Variants in FIG4 observed in about 807,000 individuals in gnomAD.
FIG4 encodes the protein FIG4 phosphoinositide 5-phosphatase, also known as polyphosphoinositide phosphatase.
Under a neutral mutation model 118.6 loss-of-function variants are expected in FIG4, and 112 were observed. The ratio of observed to expected loss-of-function variants is 0.94; its 90% CI spans 0.81 to 1.11. FIG4 has a LOEUF of 1.11. Ranked by LOEUF, FIG4 falls within the 50% of genes least tolerant of loss-of-function variation. FIG4 has a pLI of 0.00. For missense variants in FIG4, 969 were observed against 1,111.7 expected (o/e 0.87, Z 1.83); for synonymous variants, 369 against 381.2 (o/e 0.97, Z 0.37).
chr6:109,707,106 TCATTATAACTC>T (rs1427213859), intron 1 of FIG4, among the ~76,000 whole-genome samples: 1 of 152,078 alleles, frequency 6.6e-6, no homozygotes, highest in East Asian at 1.9e-4. Context: ...TATTTCTACC[TCATTATAACTC>T]ATAGTGTCAT....
intron 15 of FIG4, among the ~76,000 whole-genome samples, chr6:109,771,621 A>AC (rs1405677747): frequency 6.6e-6 from 1 of 151,818 alleles, no homozygotes; most frequent in African/African-American, 2.4e-5. Context: ...GGTGCCTGCC[A>AC]CCGCGCCCGG....
At chr6:109,790,848 G>C (rs575260504) in intron 19 of FIG4, among the ~76,000 whole-genome samples, 5 of 152,104 alleles carry the variant, frequency 3.3e-5, no homozygotes, top group Non-Finnish European at 7.4e-5. Flanking sequence ...GGAATGTTCA[G>C]CAAATACACT....
At chr6:109,802,974 C>T (rs1250079371) in intron 22 of FIG4, among the ~76,000 whole-genome samples, 4 of 152,086 alleles carry the variant, frequency 2.6e-5, no homozygotes, top group East Asian at 1.9e-4. Flanking sequence ...ATATCACGAA[C>T]GAGAGCTTTC....
chr6:109,762,507 AACAG>A (rs1777142847), intron 12 of FIG4, among the ~76,000 whole-genome samples: 2 of 151,580 alleles, frequency 1.3e-5, no homozygotes, highest in African/African-American at 2.4e-5. Flanking sequence ...ATTGAATAGA[AACAG>A]ACATTTTTTT....
intron 1 of FIG4, among the ~76,000 whole-genome samples, chr6:109,699,637 G>T (rs1051508338): frequency 2.6e-5 from 4 of 151,642 alleles, no homozygotes; most frequent in Non-Finnish European, 5.9e-5. Context: ...CAAGTAACTG[G>T]GACTACAGGC....
intron 10 of FIG4, among the ~76,000 whole-genome samples, chr6:109,753,054 T>C (rs1776760622): frequency 6.6e-6 from 1 of 152,218 alleles, no homozygotes; most frequent in African/African-American, 2.4e-5. Flanking sequence ...GCTTTCTACA[T>C]ATGGCTAGCC....
Position 109,791,574 on chromosome 6 carries a change from G to A in FIG4, c.2376+3G>A. ...GAGACAGTGCCAAAGTGACCGAGGT[G>A]CGGGGGAGGGAAGCCTGTGGCATCC... On this transcript the variant is annotated splice_donor_region_variant and intron_variant, in intron 20 of 22. Transcript: ENST00000230124. 6.2e-7 allele frequency: 1 copy of A among 1,613,576 alleles called. No homozygotes were observed. The highest frequency in any genetic ancestry group is 8.5e-7 in the Non-Finnish European group (1 of 1,179,812).
At chr6:109,739,451 C>T (rs566704067) in intron 7 of FIG4, among the ~76,000 whole-genome samples, 3 of 152,114 alleles carry the variant, frequency 2.0e-5, no homozygotes, top group African/African-American at 4.8e-5. Flanking sequence ...AAGAAAAAGG[C>T]GTTTGTACAT....
intron 1 of FIG4, among the ~76,000 whole-genome samples, chr6:109,705,330 C>T (rs754517088): frequency 1.3e-5 from 2 of 152,214 alleles, no homozygotes; most frequent in Non-Finnish European, 2.9e-5. Flanking sequence ...GGATGGTCAG[C>T]TGCCCACCAG....
chr6:109,730,566 G>A (rs192179808), intron 4 of FIG4, among the ~76,000 whole-genome samples: 5 of 152,176 alleles, frequency 3.3e-5, no homozygotes, highest in Non-Finnish European at 1.5e-5. Flanking sequence ...AGACTGCTAA[G>A]TATTGGTGGA....
chr6:109,786,015 G>T, intron 17 of FIG4: 1 of 409,196 alleles, frequency 2.4e-6, no homozygotes, highest in Non-Finnish European at 4.5e-6. Flanking sequence ...AGAGCAAAAA[G>T]GAATTTAAAG....
Position 109,791,462 on chromosome 6 carries a change from G to T in FIG4, c.2267G>T (p.Ser756Ile). 6.2e-7 allele frequency: 1 copy of T among 1,613,964 alleles called. No individual in the cohort carries two copies. The highest frequency in any genetic ancestry group is 8.5e-7 in the Non-Finnish European group (1 of 1,180,038). The change falls in exon 20 of 23, where the codon AGC (serine) becomes ATC (isoleucine). Residue 756 changes from serine (S) to isoleucine (I), a missense_variant. Around this residue, in one of 3 missense-constraint regions of FIG4, gnomAD observed 330 missense variants for 348.1 expected, o/e 0.95. Transcript: ENST00000230124. ...CCCCCCAGCGAGGAGGCTGTGTCCA[G>T]CAGCTCTGAGGATGACTCTGGGACT... The part of the protein sequence containing the change: ...PPPPSEEAVS[S>I]SSEDDSGTDR...
intron 10 of FIG4, among the ~76,000 whole-genome samples, chr6:109,747,368 GA>G (rs563685995): frequency 4.9e-4 from 74 of 152,124 alleles, no homozygotes; most frequent in African/African-American, 1.7e-3. Flanking sequence ...AGGAGTCAGA[GA>G]AAAAAACATC....
rs546354957 is a variant in FIG4, at chr6:109,725,594, A to T, written c.290-1515A>T. 4.6e-5 allele frequency among the ~76,000 whole-genome samples: 7 copies of T among 152,276 alleles called. No homozygotes were observed. The South Asian group carries it at 1.5e-3, about 32-fold the overall frequency. On this transcript the variant is annotated intron_variant, in intron 3 of 22. Coordinates refer to ENST00000230124, the MANE Select transcript of FIG4 (RefSeq NM_014845.6). ...GTGCATGTGTCTTTATAGTAGCATGATTTCTAATCCTTTGGGTATATACCC... is the reference window on the plus strand; with the variant it reads ...GTGCATGTGTCTTTATAGTAGCATGTTTTCTAATCCTTTGGGTATATACCC...
At chr6:109,772,651 C>T (rs1200008274) in intron 15 of FIG4, among the ~76,000 whole-genome samples, 1 of 152,026 alleles carries the variant, frequency 6.6e-6, no homozygotes, top group Non-Finnish European at 1.5e-5. Context: ...CAGGGTTTCT[C>T]CATGTTGGTC....
At chr6:109,816,213 C>A (rs1422117363) in intron 22 of FIG4, among the ~76,000 whole-genome samples, 1 of 152,128 alleles carries the variant, frequency 6.6e-6, no homozygotes, top group Admixed American at 6.5e-5. Context: ...GGGCAGAGCA[C>A]CCCTGACTTC....
intron 15 of FIG4, among the ~76,000 whole-genome samples, chr6:109,771,519 A>G (rs113251941): frequency 8.4e-6 from 1 of 118,676 alleles, no homozygotes; most frequent in Non-Finnish European, 1.6e-5. Flanking sequence ...CCCAGGCTGG[A>G]GTGCAGTGGC....
In FIG4 at chr6:109,739,500, T is replaced by C. The variant is rs372356777; in HGVS notation, c.775+1047T>C. On this transcript the variant is annotated intron_variant, in intron 7 of 22. Coordinates refer to ENST00000230124, the MANE Select transcript of FIG4 (RefSeq NM_014845.6). ...ATAAGAAGTATTTGTAATGGATTTG[T>C]ATTTTTCTTAGTTTTATTCTCTTTA... 5.4e-4 allele frequency among the ~76,000 whole-genome samples: 82 copies of C among 152,266 alleles called. 1 individual carries two copies. The highest frequency in any genetic ancestry group is 1.5e-3 in the African/African-American group (62 of 41,574).
chr6:109,763,510 T>A lies in FIG4; in HGVS notation c.1389-427T>A, dbSNP rs567253576. Reference sequence around the variant, plus strand: ...CCAAAGAAATATAACAAAGCCTCTATGAATAAAAGCTGGGGGAGGTAGAGA... The same window carrying A: ...CCAAAGAAATATAACAAAGCCTCTAAGAATAAAAGCTGGGGGAGGTAGAGA... On this transcript the variant is annotated intron_variant, in intron 12 of 22. Transcript: ENST00000230124. 4.6e-5 allele frequency among the ~76,000 whole-genome samples: 7 copies of A among 152,366 alleles called. No homozygotes were observed. In the South Asian group the frequency reaches 1.2e-3, roughly 27 times the overall value.
Sources: gnomAD v4.1 joint callset for allele counts (sites outside exome capture counted in the v4.1 genomes callset) on GRCh38, gnomAD v4.1.1 for gene constraint, gnomAD v4.1.1 regional missense constraint, MANE v1.5 for transcripts, NCBI Gene and HGNC (gene_info 2026-07-23, HGNC 2026-07-21) for gene names.